Variants in TMEFF2 observed in about 807,000 individuals in gnomAD.
The protein encoded by TMEFF2 is transmembrane protein with EGF like and two follistatin like domains 2.
TMEFF2 carries 28 observed loss-of-function variants against 53.8 expected under a neutral mutation model. That is an observed-to-expected ratio of 0.52 (90% CI 0.39 to 0.71). TMEFF2 has a LOEUF of 0.71. Among genes scored for constraint, TMEFF2 ranks in the 30% least tolerant of loss-of-function variants. The probability of loss-of-function intolerance (pLI) is 0.00; values close to 1 mark genes in which losing one functional copy is unlikely to be tolerated. For synonymous variants in TMEFF2, 162 were observed against 166.3 expected, an observed-to-expected ratio of 0.97 and a Z score of 0.20; for missense variants, 353 against 455.2, an observed-to-expected ratio of 0.78 and a Z score of 2.04.
chr2:192,134,740 C>T (rs1251914352), intron 4 of TMEFF2, among the ~76,000 whole-genome samples: 1 of 152,158 alleles, frequency 6.6e-6, no homozygotes, highest in Non-Finnish European at 1.5e-5. Flanking sequence ...GCCTTTCCTA[C>T]AGGGTCTGAG....
chr2:192,154,771 T>C (rs1690468189), intron 4 of TMEFF2, among the ~76,000 whole-genome samples: 1 of 151,950 alleles, frequency 6.6e-6, no homozygotes, highest in Non-Finnish European at 1.5e-5. Context: ...ATATACATAT[T>C]CTTATGAGGC....
intron 4 of TMEFF2, among the ~76,000 whole-genome samples, chr2:192,092,694 C>A (rs1688817760): frequency 6.6e-6 from 1 of 151,778 alleles, no homozygotes; most frequent in South Asian, 2.1e-4. Flanking sequence ...TGGTTGGGCT[C>A]AATGTAATTA....
intron 4 of TMEFF2, among the ~76,000 whole-genome samples, chr2:192,091,548 T>A (rs756179736): frequency 6.6e-6 from 1 of 152,208 alleles, no homozygotes; most frequent in Non-Finnish European, 1.5e-5. Context: ...GCATTTTAAA[T>A]TAAACCCTTA....
rs1691261099 is a variant in TMEFF2 at position 192,184,384 on chromosome 2, G to A, written c.382C>T (p.Leu128Phe). 2 of 1,613,304 alleles carry A rather than the reference G, an allele frequency of 1.2e-6. No homozygotes were observed. Among genetic ancestry groups the A allele is most frequent in the East Asian group, 4.5e-5 (2 of 44,860 alleles). The stretch of plus-strand genomic sequence containing the variant: ...GCACATGATCCTTCTGACACCACAA[G>A]TATCTCACTCTGCTGTTTGCATGCA... ...QAACKQQSEI[L>F]VVSEGSCATD... The change falls in exon 3 of 10, where the codon CTT becomes TTT. Residue 128 changes from leucine to phenylalanine, a missense_variant. Transcript: ENST00000272771.
rs775789644 is a variant in TMEFF2 at position 192,191,878 on chromosome 2, A to G, written c.282+2T>C. ...AGAAGATGCAAATATAAGACTTCTTACCTTGAACTGACAGACGCAAGTCAC... is the reference window on the plus strand; with the variant it reads ...AGAAGATGCAAATATAAGACTTCTTGCCTTGAACTGACAGACGCAAGTCAC... On this transcript the variant is annotated splice_donor_variant, in intron 2 of 9. Transcript: ENST00000272771. LOFTEE classifies it high-confidence loss of function. 6.3e-7 allele frequency: 1 copy of G among 1,596,808 alleles called. No homozygotes were observed. The highest frequency in any genetic ancestry group is 8.6e-7 in the Non-Finnish European group (1 of 1,164,608).
intron 4 of TMEFF2, among the ~76,000 whole-genome samples, chr2:192,143,395 A>G (rs1309214142): frequency 6.6e-6 from 1 of 152,102 alleles, no homozygotes; most frequent in African/African-American, 2.4e-5. Flanking sequence ...CTCTTTGATT[A>G]ATTTTTCTCC....
intron 5 of TMEFF2, among the ~76,000 whole-genome samples, chr2:192,033,228 T>G (rs1687188744): frequency 6.6e-6 from 1 of 152,164 alleles, no homozygotes; most frequent in Non-Finnish European, 1.5e-5. Flanking sequence ...TCAGTATAAA[T>G]AATAAATGTT....
At chr2:192,167,636 T>C (rs114561445) in intron 4 of TMEFF2, among the ~76,000 whole-genome samples, 2,087 of 152,260 alleles carry the variant, frequency 0.014, 24 homozygotes, top group Non-Finnish European at 0.021. Flanking sequence ...TCCTCTACAC[T>C]TACATTTTAT....
chr2:192,107,405 T>A (rs4853490), intron 4 of TMEFF2, among the ~76,000 whole-genome samples: 1 of 151,484 alleles, frequency 6.6e-6, no homozygotes, highest in South Asian at 2.1e-4. Flanking sequence ...AAACTTTATG[T>A]TCTCTTCTAC....
chr2:192,132,233 A>T (rs533643950), intron 4 of TMEFF2, among the ~76,000 whole-genome samples: 25 of 151,308 alleles, frequency 1.7e-4, no homozygotes, highest in Non-Finnish European at 2.4e-4. Flanking sequence ...GCCCTCCCCC[A>T]CCTGCCCAGC....
chr2:192,020,367 G>A (rs1054511770), intron 5 of TMEFF2, among the ~76,000 whole-genome samples: 2 of 152,016 alleles, frequency 1.3e-5, no homozygotes, highest in Admixed American at 1.3e-4. Context: ...CAATTAAAAT[G>A]TCGTTATTTC....
intron 7 of TMEFF2, among the ~76,000 whole-genome samples, chr2:191,958,331 C>T (rs180881976): frequency 2.0e-5 from 3 of 152,318 alleles, no homozygotes; most frequent in Admixed American, 2.0e-4. Context: ...TTCTGAACAC[C>T]TGCATGCAGG....
chr2:192,004,209 G>A (rs1466470902), intron 5 of TMEFF2, among the ~76,000 whole-genome samples: 1 of 152,108 alleles, frequency 6.6e-6, no homozygotes, highest in Admixed American at 6.5e-5. Context: ...TGGCAGATGT[G>A]GGGTCTCCAA....
intron 5 of TMEFF2, among the ~76,000 whole-genome samples, chr2:192,051,797 A>G (rs895876808): frequency 3.3e-5 from 5 of 152,232 alleles, no homozygotes; most frequent in African/African-American, 9.6e-5. Flanking sequence ...AAGATGTTAA[A>G]GACTTCAAAC....
intron 4 of TMEFF2, among the ~76,000 whole-genome samples, chr2:192,143,206 C>T (rs373422593): frequency 6.6e-6 from 1 of 152,062 alleles, no homozygotes; most frequent in East Asian, 1.9e-4. Context: ...ATATTGTTCA[C>T]TTATTTGCCT....
At chr2:191,957,128 TACA>T (rs775632297) in intron 7 of TMEFF2, among the ~76,000 whole-genome samples, 10 of 152,236 alleles carry the variant, frequency 6.6e-5, no homozygotes, top group Non-Finnish European at 1.0e-4. Flanking sequence ...TGCCTGCCAT[TACA>T]ACATGTTCTA....
At chr2:192,085,883 G>A (rs1003364240) in intron 4 of TMEFF2, among the ~76,000 whole-genome samples, 1 of 152,088 alleles carries the variant, frequency 6.6e-6, no homozygotes, top group African/African-American at 2.4e-5. Flanking sequence ...AGAGAACTCT[G>A]CATTTCAAAG....
In TMEFF2 at chr2:192,057,712, C is replaced by G; in HGVS notation, c.503G>C (p.Gly168Ala). Residue 168 changes from glycine (G) to alanine (A), a missense_variant, in exon 5 of 10, where the codon GGT becomes GCT. Transcript: ENST00000272771. ...ETSTCDICQF[G>A]AECDEDAEDV... is the part of the protein sequence containing the mutation. ...CTCGGCATCTTCGTCACATTCTGCA[C>G]CAAACTGGCAAATATCACAGGTGGA... 6.2e-7 allele frequency: 1 copy of G among 1,614,064 alleles called. No homozygotes were observed. The highest frequency in any genetic ancestry group is 8.5e-7 in the Non-Finnish European group (1 of 1,179,950).
intron 4 of TMEFF2, among the ~76,000 whole-genome samples, chr2:192,089,743 C>T (rs977028195): frequency 4.6e-5 from 7 of 152,144 alleles, no homozygotes; most frequent in African/African-American, 7.2e-5. Flanking sequence ...TACGTAACCT[C>T]TTTAAGGTTT....
Sources: gnomAD v4.1 joint callset for allele counts (sites outside exome capture counted in the v4.1 genomes callset) on GRCh38, gnomAD v4.1.1 for gene constraint, MANE v1.5 for transcripts, NCBI Gene and HGNC (gene_info 2026-07-23, HGNC 2026-07-21) for gene names.